YWHAZ: variants seen among roughly 807,000 people sequenced by gnomAD.
The protein encoded by YWHAZ is tyrosine 3-monooxygenase/tryptophan 5-monooxygenase activation protein zeta.
For missense variants in YWHAZ, 79 were observed against 284.8 expected (o/e 0.28, Z 5.20); for synonymous variants, 87 against 103.6 (o/e 0.84, Z 0.97).
At chr8:100,941,051 G>A (rs1411342633) in intron 2 of YWHAZ, among the ~76,000 whole-genome samples, 1 of 152,186 alleles carries the variant, frequency 6.6e-6, no homozygotes, top group Non-Finnish European at 1.5e-5. Context: ...AAAGCAGATT[G>A]CTTGAGTTGT....
In YWHAZ at chr8:100,948,307, A is replaced by C. The variant is rs1810457050; in HGVS notation, c.294+289T>G. The C allele has an allele frequency of 1.6e-6, 1 of 642,004 alleles. No individual in the cohort carries two copies. The highest frequency in any genetic ancestry group is 2.5e-6 in the Non-Finnish European group (1 of 395,304). 39.8% of individuals were successfully genotyped at this position (642,004 alleles called of 1,614,324 possible). ...ACTACAAATATTCTAACCATAAGTA[A>C]AACAGTAACACAATTAGTTTATATT... is the stretch of plus-strand genomic sequence containing the variant. On this transcript the variant is annotated intron_variant, in intron 2 of 5. Transcript: ENST00000395958. This position sits in a 1 kb window ranked among gnomAD's most constrained non-coding sequence, Gnocchi z 4.2.
chr8:100,951,534 G>C, intron 1 of YWHAZ: 4 of 985,598 alleles, frequency 4.1e-6, no homozygotes, highest in Non-Finnish European at 4.8e-6. Flanking sequence ...CGAGGGAGGG[G>C]GTGGAAGCCC....
chr8:100,938,823 G>A (rs995967146), intron 2 of YWHAZ, among the ~76,000 whole-genome samples: 1 of 152,106 alleles, frequency 6.6e-6, no homozygotes, highest in African/African-American at 2.4e-5. Context: ...AATTAGAAAA[G>A]TGCTCCACCA....
At chr8:100,945,118 A>G (rs1167616932) in intron 2 of YWHAZ, among the ~76,000 whole-genome samples, 1 of 152,242 alleles carries the variant, frequency 6.6e-6, no homozygotes, top group Non-Finnish European at 1.5e-5. Flanking sequence ...GGCAGATTGC[A>G]TTAGTTCACA....
intron 2 of YWHAZ, among the ~76,000 whole-genome samples, chr8:100,933,176 T>C (rs1482121265): frequency 6.6e-6 from 1 of 152,080 alleles, no homozygotes; most frequent in Non-Finnish European, 1.5e-5. Flanking sequence ...CTGGCCAAGA[T>C]GGTGAAAGCC....
chr8:100,927,980 A>G (rs529493059), intron 2 of YWHAZ, among the ~76,000 whole-genome samples: 4 of 152,198 alleles, frequency 2.6e-5, no homozygotes, highest in Admixed American at 6.5e-5. Flanking sequence ...GATGCTGACC[A>G]TAAGAGTTGA....
chr8:100,951,448 G>GGCCGAGGGAGAGGGGAGGGGTCT, intron 1 of YWHAZ: 1 of 982,878 alleles, frequency 1.0e-6, no homozygotes, highest in Non-Finnish European at 1.2e-6. Flanking sequence ...GGGAGGGGGC[G>GGCCGAGGGAGAGGGGAGGGGTCT]GCCTCACCTG....
At chr8:100,941,028 G>A (rs1054733581) in intron 2 of YWHAZ, among the ~76,000 whole-genome samples, 1 of 147,642 alleles carries the variant, frequency 6.8e-6, no homozygotes. Context: ...AGGAAAAGTC[G>A]TTACTCTTAC....
intron 2 of YWHAZ, among the ~76,000 whole-genome samples, chr8:100,932,638 TTAAGA>T (rs1813836217): frequency 1.3e-5 from 2 of 152,312 alleles, no homozygotes; most frequent in Admixed American, 6.5e-5. Flanking sequence ...CTCAATTCAT[TTAAGA>T]TATTTGTCGA....
chr8:100,934,535 T>C (rs886245495), intron 2 of YWHAZ, among the ~76,000 whole-genome samples: 4 of 151,998 alleles, frequency 2.6e-5, no homozygotes, highest in African/African-American at 9.7e-5. Context: ...ACTCCGTCTC[T>C]ACTAAAAATA....
chr8:100,926,011 T>C (rs1813335488), intron 2 of YWHAZ, among the ~76,000 whole-genome samples: 1 of 151,676 alleles, frequency 6.6e-6, no homozygotes, highest in East Asian at 1.9e-4. Context: ...CAAGGTGAAG[T>C]CAATTTTCAG....
rs1813223538 is a variant in YWHAZ at position 100,924,424 on chromosome 8, T to C, written c.419-126A>G. 4 of 976,452 alleles carry C rather than the reference T, an allele frequency of 4.1e-6. No homozygotes were observed. The highest frequency in any genetic ancestry group is 3.1e-5 in the Admixed American group (1 of 32,468). The allele number at this position is 976,452 out of a possible 1,614,324, so 60.5% of individuals were successfully genotyped here. On this transcript the variant is annotated intron_variant, in intron 3 of 5. Transcript: ENST00000395958. This position sits in a 1 kb window ranked among gnomAD's most constrained non-coding sequence, Gnocchi z 5.7. The stretch of plus-strand genomic sequence containing the variant: ...CCTGTAACAGCTTAATATTTGTTAA[T>C]TGAACAAGGTCCTTTTTTTTTTTTA...
intron 2 of YWHAZ, among the ~76,000 whole-genome samples, chr8:100,938,067 T>C (rs1054577031): frequency 6.6e-6 from 1 of 152,062 alleles, no homozygotes; most frequent in Non-Finnish European, 1.5e-5. Context: ...GAGGCAGAGG[T>C]TGCGGTGAGC....
rs1407558400 is a variant in YWHAZ at position 100,918,406 on chromosome 8, CTTTATATATATATATATA to C, written c.*2269_*2286del. 1 of 19,618 alleles carries C rather than the reference CTTTATATATATATATATA, an allele frequency of 5.1e-5. No individual in the cohort carries two copies. Among genetic ancestry groups the C allele is most frequent in the Non-Finnish European group, 1.1e-4 (1 of 8,972 alleles). 1.2% of individuals were successfully genotyped at this position (19,618 alleles called of 1,614,324 possible). A position where few individuals can be genotyped will look rare whatever the true frequency, so the allele number is the denominator to read the frequency against. ...TCAGTCTAGCTATAAAATATAATTA[CTTTATATATATATATATA>C]TATATATATATATATATATAATTAT... is the stretch of plus-strand genomic sequence containing the variant. On this transcript the variant is annotated 3_prime_UTR_variant, in exon 6 of 6. Coordinates refer to ENST00000395958, the MANE Select transcript of YWHAZ (RefSeq NM_145690.3).
intron 2 of YWHAZ, among the ~76,000 whole-genome samples, chr8:100,941,683 G>A (rs146864833): frequency 0.017 from 2,607 of 152,182 alleles, 85 homozygotes; most frequent in African/African-American, 0.059. Flanking sequence ...TACCTGGGAG[G>A]CTGAGGAGGG....
chr8:100,924,435 CCTT>C lies in YWHAZ; in HGVS notation c.419-140_419-138del, dbSNP rs959710118. ...TTAATATTTGTTAATTGAACAAGGTCCTTTTTTTTTTTTAAAGGGAGCTTTCTC... is the reference window on the plus strand; with the variant it reads ...TTAATATTTGTTAATTGAACAAGGTCTTTTTTTTTTAAAGGGAGCTTTCTC... On this transcript the variant is annotated intron_variant, in intron 3 of 5. Coordinates refer to ENST00000395958, the MANE Select transcript of YWHAZ (RefSeq NM_145690.3). The surrounding 1 kb of genome is among the most constrained non-coding windows in gnomAD (Gnocchi z 5.7). The C allele has an allele frequency of 2.3e-6, 2 of 881,520 alleles. No homozygotes were observed. Among genetic ancestry groups the C allele is most frequent in the African/African-American group, 3.4e-5 (2 of 58,310 alleles). The allele number at this position is 881,520 out of a possible 1,614,324, so 54.6% of individuals were successfully genotyped here. A position where few individuals can be genotyped will look rare whatever the true frequency, so the allele number is the denominator to read the frequency against.
At chr8:100,930,685 G>A (rs1439881748) in intron 2 of YWHAZ, among the ~76,000 whole-genome samples, 1 of 151,900 alleles carries the variant, frequency 6.6e-6, no homozygotes, top group Non-Finnish European at 1.5e-5. Flanking sequence ...TTTATTTAGA[G>A]ATGAGGTCTT....
intron 2 of YWHAZ, among the ~76,000 whole-genome samples, chr8:100,946,752 G>A (rs1810307846): frequency 6.6e-6 from 1 of 151,822 alleles, no homozygotes; most frequent in African/African-American, 2.4e-5. Context: ...TTGTCTTAAG[G>A]GAAATGTTAA....
Position 100,948,259 on chromosome 8 carries a change from T to C in YWHAZ, c.294+337A>G, listed in dbSNP as rs983621581. 1.7e-5 allele frequency: 15 copies of C among 890,236 alleles called. No homozygotes were observed. Among genetic ancestry groups the C allele is most frequent in the Non-Finnish European group, 2.3e-5 (14 of 611,724 alleles). The allele number at this position is 890,236 out of a possible 1,614,324, so 55.1% of individuals were successfully genotyped here. ...AATTCCTTTATCCACAGATGTACATTTAAGATAACCAGCTATAGAGCTACT... is the reference window on the plus strand; with the variant it reads ...AATTCCTTTATCCACAGATGTACATCTAAGATAACCAGCTATAGAGCTACT... On this transcript the variant is annotated intron_variant, in intron 2 of 5. Transcript: ENST00000395958. The surrounding 1 kb of genome is among the most constrained non-coding windows in gnomAD (Gnocchi z 4.2).
Sources: allele counts gnomAD v4.1 joint callset (sites outside exome capture counted in the v4.1 genomes callset), GRCh38; gene constraint gnomAD v4.1.1; non-coding constraint Gnocchi (gnomAD v3.1); transcripts MANE v1.5; gene names NCBI Gene and HGNC (gene_info 2026-07-23, HGNC 2026-07-21).